The following PTPRT variants were observed in gnomAD, a reference collection of about 807,000 sequenced individuals.
PTPRT encodes protein tyrosine phosphatase receptor type T.
A neutral mutation model predicts 176.8 loss-of-function variants in PTPRT; 56 were observed. The ratio of observed to expected loss-of-function variants is 0.32; its 90% CI spans 0.26 to 0.40. The LOEUF (loss-of-function observed/expected upper bound fraction) is 0.40. PTPRT is among the 10% of genes least tolerant of loss of function. PTPRT has a pLI of 1.00. For synonymous variants in PTPRT, 783 were observed against 739.0 expected (o/e 1.06, Z -0.96); for missense variants, 1,540 against 1,908.2 (o/e 0.81, Z 3.60).
chr20:42,070,758 C>T, downstream of PTPRT, among the ~76,000 whole-genome samples: 1 of 152,074 alleles, frequency 6.6e-6, no homozygotes, highest in Non-Finnish European at 1.5e-5. Context: ...GGAACTTTCA[C>T]CTTTTGCCTT....
chr20:42,913,124 G>A (rs1268426897), intron 1 of PTPRT, among the ~76,000 whole-genome samples: 1 of 152,176 alleles, frequency 6.6e-6, no homozygotes, highest in African/African-American at 2.4e-5. Context: ...TGGATACAAA[G>A]TGCTTAAAAA....
At chr20:42,822,785 A>G (rs1339761133) in intron 2 of PTPRT, among the ~76,000 whole-genome samples, 1 of 152,204 alleles carries the variant, frequency 6.6e-6, no homozygotes, top group African/African-American at 2.4e-5. Flanking sequence ...GCCAACAAAC[A>G]TGAAAAAAAG....
At chr20:42,205,316 C>T (rs1381716286) in intron 15 of PTPRT, among the ~76,000 whole-genome samples, 6 of 152,172 alleles carry the variant, frequency 3.9e-5, no homozygotes, top group Admixed American at 6.5e-5. Flanking sequence ...TTGCCTCCTT[C>T]CCAAAGTTAG....
At chr20:42,906,635 T>C (rs2145925734) in intron 1 of PTPRT, among the ~76,000 whole-genome samples, 1 of 152,282 alleles carries the variant, frequency 6.6e-6, no homozygotes, top group Admixed American at 6.5e-5. Context: ...TAGATGCTGC[T>C]GTGAGACCAG....
At chr20:42,889,607 T>C (rs2079158962) in intron 1 of PTPRT, among the ~76,000 whole-genome samples, 1 of 152,216 alleles carries the variant, frequency 6.6e-6, no homozygotes, top group African/African-American at 2.4e-5. Flanking sequence ...GCTCCTGTTC[T>C]GCACTTTTAT....
chr20:43,117,157 T>C (rs1477870128), intron 1 of PTPRT, among the ~76,000 whole-genome samples: 1 of 152,142 alleles, frequency 6.6e-6, no homozygotes, highest in East Asian at 1.9e-4. Flanking sequence ...CTTCCACCTA[T>C]ATTTTATTGG....
intron 9 of PTPRT, among the ~76,000 whole-genome samples, chr20:42,435,383 A>G (rs2059253188): frequency 6.6e-6 from 1 of 152,174 alleles, no homozygotes; most frequent in Non-Finnish European, 1.5e-5. Flanking sequence ...GGCCCTTCTG[A>G]GGTGGTAGCA....
At chr20:42,179,991 T>C (rs570428216) in intron 16 of PTPRT, among the ~76,000 whole-genome samples, 1 of 152,336 alleles carries the variant, frequency 6.6e-6, no homozygotes, top group African/African-American at 2.4e-5. Flanking sequence ...GGACAGATCC[T>C]GGATGCGGTG....
chr20:42,867,562 C>T (rs1421750261), intron 2 of PTPRT, among the ~76,000 whole-genome samples: 1 of 151,920 alleles, frequency 6.6e-6, no homozygotes, highest in Non-Finnish European at 1.5e-5. Flanking sequence ...CAGTCTTCAC[C>T]AATGACAGAG....
At chr20:43,000,311 A>G (rs924304113) in intron 1 of PTPRT, among the ~76,000 whole-genome samples, 1 of 152,230 alleles carries the variant, frequency 6.6e-6, no homozygotes, top group African/African-American at 2.4e-5. Flanking sequence ...CAGAATAAGT[A>G]AGAGACCTGA....
Position 42,606,061 on chromosome 20 carries a change from C to T in PTPRT, c.1153+71805G>A, listed in dbSNP as rs150339908. Among the ~76,000 whole-genome samples, 461 of 152,288 alleles carry T rather than the reference C, an allele frequency of 3.0e-3. 1 individual carries two copies. The highest frequency in any genetic ancestry group is 9.8e-3 in the African/African-American group (407 of 41,570). Reference sequence around the variant, plus strand: ...GATCAGAATCTGCCTTTAACAGAATCGCCAGTGATTCTTGTGCACGATGTT... The same window carrying T: ...GATCAGAATCTGCCTTTAACAGAATTGCCAGTGATTCTTGTGCACGATGTT... On this transcript the variant is annotated intron_variant, in intron 7 of 30. Transcript: ENST00000373187.
intron 8 of PTPRT, among the ~76,000 whole-genome samples, chr20:42,464,030 G>A (rs1049159476): frequency 6.6e-6 from 1 of 152,068 alleles, no homozygotes; most frequent in Non-Finnish European, 1.5e-5. Context: ...CAACTTCCAT[G>A]GTGTAAATAT....
chr20:42,960,436 G>C (rs1389480317), intron 1 of PTPRT, among the ~76,000 whole-genome samples: 1 of 152,130 alleles, frequency 6.6e-6, no homozygotes. Context: ...CATTCATGAA[G>C]ACGGAGCCCT....
At chr20:42,340,394 G>A (rs748478968) in intron 11 of PTPRT, among the ~76,000 whole-genome samples, 5 of 152,228 alleles carry the variant, frequency 3.3e-5, no homozygotes, top group Non-Finnish European at 7.3e-5. Context: ...CTAAGCAGCT[G>A]TAGCCAGGTA....
chr20:42,372,783 C>T (rs778211105), intron 9 of PTPRT, among the ~76,000 whole-genome samples: 11 of 152,102 alleles, frequency 7.2e-5, no homozygotes, highest in Non-Finnish European at 1.6e-4. Context: ...GACACCTTTC[C>T]TTTTTCACCA....
rs554531526 is a variant in PTPRT, at chr20:42,708,339, A to G, written c.860-30180T>C. Among the ~76,000 whole-genome samples the G allele has an allele frequency of 5.9e-5, 9 of 152,348 alleles. 1 individual carries two copies. In the South Asian group the frequency reaches 1.2e-3, roughly 21 times the overall value. On this transcript the variant is annotated intron_variant, in intron 6 of 30. Transcript: ENST00000373187. The stretch of plus-strand genomic sequence containing the variant: ...TTGAACAGACAGGATAGACTCTAAT[A>G]GGAAGCATGGTGTCCTATGAGCCAA...
intron 7 of PTPRT, among the ~76,000 whole-genome samples, chr20:42,667,190 G>A (rs1010862600): frequency 2.0e-5 from 3 of 152,124 alleles, no homozygotes; most frequent in African/African-American, 7.2e-5. Flanking sequence ...ATTATGCATT[G>A]ATAATGATTC....
chr20:42,089,409 A>G (rs1488373659), intron 27 of PTPRT, among the ~76,000 whole-genome samples: 1 of 152,184 alleles, frequency 6.6e-6, no homozygotes, highest in Non-Finnish European at 1.5e-5. Context: ...CACAAGGTGC[A>G]TGGATCCAAG....
intron 11 of PTPRT, among the ~76,000 whole-genome samples, chr20:42,346,636 G>A (rs1461098043): frequency 6.6e-6 from 1 of 152,148 alleles, no homozygotes; most frequent in Non-Finnish European, 1.5e-5. Context: ...AGTCCTCCCT[G>A]TCACATCTCG....
Sources: allele counts gnomAD v4.1 joint callset (sites outside exome capture counted in the v4.1 genomes callset), GRCh38; gene constraint gnomAD v4.1.1; transcripts MANE v1.5; gene names NCBI Gene and HGNC (gene_info 2026-07-23, HGNC 2026-07-21).